The following RANBP10 variants were observed in gnomAD, a reference collection of about 807,000 sequenced individuals.
RANBP10 encodes the protein ran-binding protein 10.
A neutral mutation model predicts 72.8 loss-of-function variants in RANBP10; 24 were observed. The observed-to-expected ratio is 0.33, with a 90% CI of 0.24 to 0.46. The LOEUF is 0.46. Among genes scored for constraint, RANBP10 ranks in the 20% least tolerant of loss-of-function variants. The probability of loss-of-function intolerance (pLI) is 1.00; values close to 1 mark genes in which losing one functional copy is unlikely to be tolerated. For synonymous variants in RANBP10, 310 were observed against 322.3 expected (o/e 0.96, Z 0.41); for missense variants, 679 against 817.5 (o/e 0.83, Z 2.07).
chr16:67,728,654 A>G, intron 10 of RANBP10, 143 bp from the exon 11 acceptor site: 1 of 1,469,140 alleles, frequency 6.8e-7, no homozygotes, highest in Middle Eastern at 2.3e-4. Context: ...TCAGGCTTCC[A>G]AGTCTTCAGC....
intron 6 of RANBP10, among the ~76,000 whole-genome samples, chr16:67,734,387 A>T (rs1793850978): frequency 6.6e-6 from 1 of 152,232 alleles, no homozygotes. Flanking sequence ...GAGCTAGCTC[A>T]GCTGGTCCTA....
chr16:67,763,453 CCT>C (rs1357425409), intron 3 of RANBP10: 2 of 152,268 alleles, frequency 1.3e-5, no homozygotes, highest in East Asian at 3.8e-4. Flanking sequence ...AGTGGGTTCA[CCT>C]CTGTTGGACC....
intron 5 of RANBP10, among the ~76,000 whole-genome samples, chr16:67,737,698 C>T (rs1392875422): frequency 6.6e-6 from 1 of 152,124 alleles, no homozygotes; most frequent in Non-Finnish European, 1.5e-5. Flanking sequence ...AGCTGACACA[C>T]AGCTGGTTTA....
At chr16:67,785,721 G>A (rs1387918382) in intron 2 of RANBP10, among the ~76,000 whole-genome samples, 1 of 93,342 alleles carries the variant, frequency 1.1e-5, no homozygotes, top group Non-Finnish European at 1.9e-5. Flanking sequence ...GAGTGAGTGA[G>A]ACTCCATCTC....
At chr16:67,758,218 G>A (rs1426052515) in intron 3 of RANBP10, among the ~76,000 whole-genome samples, 3 of 152,182 alleles carry the variant, frequency 2.0e-5, no homozygotes, top group Non-Finnish European at 4.4e-5. Flanking sequence ...GGTCCATCTG[G>A]CAGCACTACC....
intron 2 of RANBP10, among the ~76,000 whole-genome samples, chr16:67,781,990 T>C (rs1282836355): frequency 6.6e-6 from 1 of 152,150 alleles, no homozygotes; most frequent in Non-Finnish European, 1.5e-5. Flanking sequence ...CACCCAGCCC[T>C]GCCACCCGAG....
At chr16:67,734,577 T>C (rs1481941513) in intron 6 of RANBP10, among the ~76,000 whole-genome samples, 1 of 151,988 alleles carries the variant, frequency 6.6e-6, no homozygotes, top group Non-Finnish European at 1.5e-5. Flanking sequence ...CAAAATGACC[T>C]GGGGAAGGAA....
intron 2 of RANBP10, among the ~76,000 whole-genome samples, chr16:67,787,537 C>A (rs979218690): frequency 2.6e-5 from 4 of 152,010 alleles, no homozygotes; most frequent in Non-Finnish European, 5.9e-5. Flanking sequence ...GGTGAACACC[C>A]AAAAGAACTG....
intron 3 of RANBP10, among the ~76,000 whole-genome samples, chr16:67,761,011 C>T (rs2143009983): frequency 6.6e-6 from 1 of 152,350 alleles, no homozygotes; most frequent in Admixed American, 6.5e-5. Context: ...CTGGCCTCTG[C>T]CCTTCCCTGC....
Position 67,772,090 on chromosome 16 carries a change from CAAAAAAAA to C in RANBP10, c.348-12_348-5del, listed in dbSNP as rs35741053. The C allele has an allele frequency of 9.9e-6, 13 of 1,316,424 alleles. No homozygotes were observed. Among genetic ancestry groups the C allele is most frequent in the Non-Finnish European group, 1.3e-5 (13 of 1,023,880 alleles). The allele number at this position is 1,316,424 out of a possible 1,614,324, so 81.5% of individuals were successfully genotyped here. The stretch of plus-strand genomic sequence containing the variant: ...CGAGAGTCCTATTCCCATGTAACTT[CAAAAAAAA>C]AAAAAAAAAAAACACAAAATTTTTG... On this transcript the variant is annotated splice_polypyrimidine_tract_variant and splice_region_variant and intron_variant, in intron 2 of 13. Transcript: ENST00000317506.
intron 3 of RANBP10, among the ~76,000 whole-genome samples, chr16:67,744,925 G>A (rs868339837): frequency 2.0e-5 from 3 of 152,152 alleles, no homozygotes; most frequent in East Asian, 1.9e-4. Context: ...CCGGGTTCAC[G>A]CCATTCTCCT....
At chr16:67,744,505 C>G (rs978878278) in intron 3 of RANBP10, 50 bp from the exon 4 acceptor site, 2 of 1,534,708 alleles carry the variant, frequency 1.3e-6, no homozygotes, top group Non-Finnish European at 1.8e-6. Flanking sequence ...GAGGGAGGAA[C>G]AAGACAAGTC....
chr16:67,737,198 T>C (rs796439409), intron 5 of RANBP10, among the ~76,000 whole-genome samples: 16 of 131,822 alleles, frequency 1.2e-4, no homozygotes, highest in African/African-American at 4.5e-4. Flanking sequence ...TTTTCTTTTT[T>C]TTTTTTTTTT....
intron 5 of RANBP10, 49 bp downstream of exon 5, chr16:67,737,962 CCA>C (rs1403097300): frequency 6.4e-7 from 1 of 1,554,492 alleles, no homozygotes; most frequent in Non-Finnish European, 8.7e-7. Context: ...GTGCCCCATC[CCA>C]GTCAGCCCCC....
In RANBP10 at chr16:67,744,355, G is replaced by A. The variant is rs373521031; in HGVS notation, c.501C>T (p.Asp167=). 1.5e-5 allele frequency: 25 copies of A among 1,614,106 alleles called. No homozygotes were observed. The highest frequency in any genetic ancestry group is 4.5e-5 in the East Asian group (2 of 44,900). Residue 167 remains aspartate, a synonymous_variant, in exon 4 of 14, where the codon GAC becomes GAT. Coordinates refer to ENST00000317506, the MANE Select transcript of RANBP10 (RefSeq NM_020850.3). ...TGAGGTTGACACAGCAGCCGATCACGTCTCCTGTGGTGAATGTGGGACCAT... is the reference window on the plus strand; with the variant it reads ...TGAGGTTGACACAGCAGCCGATCACATCTCCTGTGGTGAATGTGGGACCAT... The part of the protein sequence containing the change: ...QPYGPTFTTG[D]VIGCCVNLIN...
rs2055236986 is a variant in RANBP10 at position 67,801,714 on chromosome 16, T to A, written c.347+3714A>T. 4.6e-5 allele frequency among the ~76,000 whole-genome samples: 7 copies of A among 151,800 alleles called. No individual in the cohort carries two copies. In the South Asian group the frequency reaches 1.5e-3, roughly 32 times the overall value. Reference sequence around the variant, plus strand: ...CTGCCTGCAATCCCAGCACTTTGGATCACTTTGAGGCAGGAGGATCACTTG... The same window carrying A: ...CTGCCTGCAATCCCAGCACTTTGGAACACTTTGAGGCAGGAGGATCACTTG... On this transcript the variant is annotated intron_variant, in intron 2 of 13. Coordinates refer to ENST00000317506, the MANE Select transcript of RANBP10 (RefSeq NM_020850.3).
chr16:67,787,671 T>C (rs1567710749), intron 2 of RANBP10, among the ~76,000 whole-genome samples: 2 of 152,012 alleles, frequency 1.3e-5, no homozygotes, highest in Non-Finnish European at 2.9e-5. Flanking sequence ...GTGATGTATA[T>C]ATAAGTACAA....
chr16:67,779,761 A>G (rs1402002550), intron 2 of RANBP10, among the ~76,000 whole-genome samples: 2 of 152,228 alleles, frequency 1.3e-5, no homozygotes, highest in Non-Finnish European at 2.9e-5. Flanking sequence ...TGCTGGGGAC[A>G]TAAGGGTGGG....
chr16:67,758,225 T>A (rs1162352947), intron 3 of RANBP10, among the ~76,000 whole-genome samples: 1 of 152,196 alleles, frequency 6.6e-6, no homozygotes, highest in Non-Finnish European at 1.5e-5. Flanking sequence ...CTGGCAGCAC[T>A]ACCTGCCAAC....
Sources: gnomAD v4.1 joint callset for allele counts (sites outside exome capture counted in the v4.1 genomes callset) on GRCh38, gnomAD v4.1.1 for gene constraint, MANE v1.5 for transcripts, NCBI Gene and HGNC (gene_info 2026-07-23, HGNC 2026-07-21) for gene names.